TRPM4: variants seen among roughly 807,000 people sequenced by gnomAD.
The protein encoded by TRPM4 is transient receptor potential cation channel subfamily M member 4.
Under a neutral mutation model 135.6 loss-of-function variants are expected in TRPM4, and 124 were observed. The ratio of observed to expected loss-of-function variants is 0.91; its 90% CI spans 0.79 to 1.06. The LOEUF is 1.06. Ranked by LOEUF, TRPM4 falls within the 50% of genes least tolerant of loss-of-function variation. TRPM4 has a pLI of 0.00. For synonymous variants in TRPM4, 745 were observed against 705.6 expected, an observed-to-expected ratio of 1.06 and a Z score of -0.88; for missense variants, 1,658 against 1,671.4, an observed-to-expected ratio of 0.99 and a Z score of 0.14.
In TRPM4 at chr19:49,167,695, G is replaced by T; in HGVS notation, c.268-222G>T. 4.2e-6 allele frequency: 2 copies of T among 475,318 alleles called. 1 individual carries two copies. The highest frequency in any genetic ancestry group is 4.6e-5 in the South Asian group (2 of 43,072). 29.4% of individuals were successfully genotyped at this position (475,318 alleles called of 1,614,324 possible). A position where few individuals can be genotyped will look rare whatever the true frequency, so the allele number is the denominator to read the frequency against. The stretch of plus-strand genomic sequence containing the variant: ...CTGGGTCTCTGTCCCTCTCTCTCTG[G>T]GTCTCTGTCCCCATCTCTCTGGGTC... On this transcript the variant is annotated intron_variant, in intron 3 of 24. Transcript: ENST00000252826.
chr19:49,177,824 G>A (rs1195150016), intron 9 of TRPM4, among the ~76,000 whole-genome samples: 4 of 152,216 alleles, frequency 2.6e-5, no homozygotes, highest in African/African-American at 7.2e-5. Context: ...TTTCATGTGA[G>A]TCTGTATAAT....
chr19:49,205,434 G>A (rs1204204825), intron 20 of TRPM4, among the ~76,000 whole-genome samples: 4 of 150,836 alleles, frequency 2.7e-5, no homozygotes, highest in South Asian at 2.1e-4. Context: ...TTGATCACAT[G>A]TGTAAACTCT....
intron 12 of TRPM4, among the ~76,000 whole-genome samples, chr19:49,186,389 G>A (rs1356366480): frequency 1.3e-5 from 2 of 152,186 alleles, no homozygotes; most frequent in Non-Finnish European, 2.9e-5. Context: ...TTCTGAGCAC[G>A]CCTCTAGCCC....
At position 49,166,089 on chromosome 19, in the gene TRPM4, G is replaced by C. The variant is rs1401313822; in HGVS notation, c.141G>C (p.Val47=). ...CGRPRTAHPA[V]AMEDAFGAAV... The stretch of plus-strand genomic sequence containing the variant: ...GCCCCCGGACCGCCCACCCCGCAGT[G>C]GCCATGGAGGATGCCTTCGGGGCAG... The change falls in exon 3 of 25, where the codon GTG becomes GTC. Residue 47 remains valine (V), a synonymous_variant. Coordinates refer to ENST00000252826, the MANE Select transcript of TRPM4 (RefSeq NM_017636.4). 1.9e-6 allele frequency: 3 copies of C among 1,603,956 alleles called. No homozygotes were observed. Among genetic ancestry groups the C allele is most frequent in the Non-Finnish European group, 2.6e-6 (3 of 1,176,382 alleles).
chr19:49,164,888 AATTTT>A (rs200452646), intron 2 of TRPM4, among the ~76,000 whole-genome samples: 1 of 151,596 alleles, frequency 6.6e-6, no homozygotes, highest in East Asian at 1.9e-4. Flanking sequence ...ACACCTGGCT[AATTTT>A]ATTTTATTTT....
chr19:49,196,086 C>T (rs981451736), intron 16 of TRPM4, among the ~76,000 whole-genome samples: 1 of 151,482 alleles, frequency 6.6e-6, no homozygotes, highest in East Asian at 1.9e-4. Context: ...CTCGAACTCC[C>T]TACCTCAGGT....
In TRPM4 at chr19:49,168,033, C is replaced by T. The variant is rs749254606; in HGVS notation, c.384C>T (p.Pro128=). The T allele has an allele frequency of 2.4e-5, 38 of 1,612,936 alleles. No homozygotes were observed. The East Asian group carries it at 6.7e-4, about 28-fold the overall frequency. Residue 128 remains proline (P), a synonymous_variant, in exon 4 of 25, where the codon CCC becomes CCT. Coordinates refer to ENST00000252826, the MANE Select transcript of TRPM4 (RefSeq NM_017636.4). ...CAGTGCTGGGGGGATCGGGGGGCCC[C>T]GTCCTCCAGACCTGGCTGCAGGACC... ...VVSVLGGSGG[P]VLQTWLQDLL...
rs372517155 is a variant in TRPM4 at position 49,211,141 on chromosome 19, C to T, written c.3535-23C>T. ...TGTGGCAGGGGTCCCATCTCCCGCTCTGACATTCCTCCCATTCCGCAGGTC... is the reference window on the plus strand; with the variant it reads ...TGTGGCAGGGGTCCCATCTCCCGCTTTGACATTCCTCCCATTCCGCAGGTC... On this transcript the variant is annotated intron_variant, in intron 23 of 24. Transcript: ENST00000252826. The surrounding 1 kb of genome is among the most constrained non-coding windows in gnomAD (Gnocchi z 4.8). 4 of 1,609,336 alleles carry T rather than the reference C, an allele frequency of 2.5e-6. No individual in the cohort carries two copies. The African/African-American group carries it at 5.3e-5, about 21-fold the overall frequency.
chr19:49,168,601 G>A lies in TRPM4; in HGVS notation c.661G>A (p.Val221Ile). 2 of 1,613,816 alleles carry A rather than the reference G, an allele frequency of 1.2e-6. No homozygotes were observed. Among genetic ancestry groups the A allele is most frequent in the African/African-American group, 2.7e-5 (2 of 75,034 alleles). The change falls in exon 6 of 25, where the codon GTC (valine) becomes ATC (isoleucine). Residue 221 changes from valine (V) to isoleucine (I), a missense_variant. Physicochemically the swap from Val to Ile is conservative, Grantham distance 29. Around this residue, in one of 3 missense-constraint regions of TRPM4, gnomAD observed 1,412 missense variants for 1,408.7 expected, o/e 1.00. Transcript: ENST00000252826. ...GTGGCGCGGTGACCCGGAGGACGGG[G>A]TCCAGTTTCCCCTGGACTACAACTA... ...YRWRGDPEDGVQFPLDYNYSA... is the reference protein window; with the variant it reads ...YRWRGDPEDGIQFPLDYNYSA...
intron 2 of TRPM4, chr19:49,158,800 T>C (rs762210856): frequency 1.4e-4 from 22 of 157,282 alleles, no homozygotes; most frequent in Non-Finnish European, 2.9e-4. Flanking sequence ...CTCCTGGGGT[T>C]ATTATGAGAA....
In TRPM4 at chr19:49,171,887, G is replaced by C; in HGVS notation, c.1050+118G>C. On this transcript the variant is annotated intron_variant, in intron 8 of 24. Transcript: ENST00000252826. The surrounding 1 kb of genome is among the most constrained non-coding windows in gnomAD (Gnocchi z 4.7). ...GGACTTCCAGGTTCCGGGAGAAGAG[G>C]GTGCTGGGCATATAGACTATTAGGT... 1 of 1,388,010 alleles carries C rather than the reference G, an allele frequency of 7.2e-7. No individual in the cohort carries two copies. Among genetic ancestry groups the C allele is most frequent in the Non-Finnish European group, 1.0e-6 (1 of 985,100 alleles). The allele number at this position is 1,388,010 out of a possible 1,614,324, so 86.0% of individuals were successfully genotyped here.
At position 49,168,302 on chromosome 19, in the gene TRPM4, G is replaced by A. The variant is rs774677078; in HGVS notation, c.491G>A (p.Arg164Gln). Residue 164 changes from arginine to glutamine, a missense_variant, in exon 5 of 25, where the codon CGG (arginine) becomes CAG (glutamine). Physicochemically the swap from Arg to Gln is conservative, Grantham distance 43 (BLOSUM62 1). Transcript: ENST00000252826. ...VTGGLHTGIG[R>Q]HVGVAVRDHQ... ...GGGGGTCTGCACACGGGCATCGGCC[G>A]GCATGTTGGTGTGGCTGTACGGGAC... The A allele has an allele frequency of 1.5e-5, 24 of 1,614,042 alleles. No individual in the cohort carries two copies. The highest frequency in any genetic ancestry group is 8.0e-5 in the African/African-American group (6 of 74,920).
rs368929559 is a variant in TRPM4, at chr19:49,182,949, C to A, written c.1608+27C>A. Reference sequence around the variant, plus strand: ...TAAGGACCGGGCAAAGCTGGGGGGCCCCCCCGCGCGGGAAGGACCTGGGGG... The same window carrying A: ...TAAGGACCGGGCAAAGCTGGGGGGCACCCCCGCGCGGGAAGGACCTGGGGG... On this transcript the variant is annotated intron_variant, in intron 11 of 24. Transcript: ENST00000252826. 15 of 1,581,318 alleles carry A rather than the reference C, an allele frequency of 9.5e-6. No individual in the cohort carries two copies. In the East Asian group the frequency reaches 2.3e-4, roughly 24 times the overall value.
chr19:49,169,659 C>T (rs935232310), intron 6 of TRPM4, among the ~76,000 whole-genome samples: 2 of 151,528 alleles, frequency 1.3e-5, no homozygotes, highest in African/African-American at 4.9e-5. Flanking sequence ...TCAAGTGATT[C>T]GCCCACCTCA....
At position 49,196,720 on chromosome 19, in the gene TRPM4, C is replaced by T; in HGVS notation, c.2491C>T (p.Gln831Ter). The T allele has an allele frequency of 6.4e-7, 1 of 1,553,342 alleles. No homozygotes were observed. Among genetic ancestry groups the T allele is most frequent in the Non-Finnish European group, 8.7e-7 (1 of 1,155,916 alleles). Residue 831 changes from glutamine (Q) to a stop codon, truncating the protein, a stop_gained, in exon 17 of 25, where the codon CAG becomes TAG. Coordinates refer to ENST00000252826, the MANE Select transcript of TRPM4 (RefSeq NM_017636.4). LOFTEE classifies it high-confidence loss of function. ...AFTLLCEELR[Q>*]GLSGGGGSLA... ...CACGCTGCTGTGCGAGGAACTGCGC[C>T]AGGGCCTGAGCGGAGGCGGGGGCAG...
At position 49,211,099 on chromosome 19, in the gene TRPM4, G is replaced by T. The variant is rs757825895; in HGVS notation, c.3534+12G>T. 6.2e-7 allele frequency: 1 copy of T among 1,613,686 alleles called. No homozygotes were observed. The highest frequency in any genetic ancestry group is 8.5e-7 in the Non-Finnish European group (1 of 1,179,858). On this transcript the variant is annotated intron_variant, in intron 23 of 24. Coordinates refer to ENST00000252826, the MANE Select transcript of TRPM4 (RefSeq NM_017636.4). This position sits in a 1 kb window ranked among gnomAD's most constrained non-coding sequence, Gnocchi z 4.8. ...TGCTGGAGCGGGAGGTGAGGCCTTG[G>T]GGCCTGGCTGGGGGACTGTGGCAGG...
chr19:49,193,570 C>G (rs73048884), intron 16 of TRPM4, among the ~76,000 whole-genome samples: 12,841 of 151,928 alleles, frequency 0.085, 733 homozygotes, highest in East Asian at 0.18. Context: ...TGGAGCCCCC[C>G]CACTGAGAGC....
In TRPM4 at chr19:49,166,213, A is replaced by G. The variant is rs775198877; in HGVS notation, c.265A>G (p.Asn89Asp). The part of the protein sequence containing the change: ...DFTGAGRKHS[N>D]FLRLSDRTDP... ...CACGGGGGCCGGCCGCAAGCACAGC[A>G]ATGTGAGGCGGGCCTCTGTGGGCGG... The change falls in exon 3 of 25, where the codon AAT becomes GAT. Residue 89 changes from asparagine (N) to aspartate (D), a missense_variant and splice_region_variant. This residue lies in a region of TRPM4 where 239 missense variants were observed against 240.1 expected (regional missense o/e 1.00). Transcript: ENST00000252826. 6.2e-7 allele frequency: 1 copy of G among 1,601,560 alleles called. No individual in the cohort carries two copies. The highest frequency in any genetic ancestry group is 1.1e-5 in the South Asian group (1 of 88,856).
At chr19:49,167,335 A>C (rs1476277842) in intron 3 of TRPM4, among the ~76,000 whole-genome samples, 2 of 73,056 alleles carry the variant, frequency 2.7e-5, no homozygotes, top group African/African-American at 5.6e-5. Context: ...TTCTGTCCCC[A>C]TCTCTCTGGG....
Sources: allele counts gnomAD v4.1 joint callset (sites outside exome capture counted in the v4.1 genomes callset), GRCh38; gene constraint gnomAD v4.1.1; regional missense constraint gnomAD v4.1.1; non-coding constraint Gnocchi (gnomAD v3.1); transcripts MANE v1.5; gene names NCBI Gene and HGNC (gene_info 2026-07-23, HGNC 2026-07-21).